The following MTSS1 variants were observed in gnomAD, a reference collection of about 807,000 sequenced individuals.
MTSS1 encodes the protein protein MTSS 1.
In MTSS1, 18 loss-of-function variants were observed where a neutral mutation model predicts 79.0. That is an observed-to-expected ratio of 0.23 (90% CI 0.16 to 0.34). The LOEUF is 0.34. MTSS1 is among the 10% of genes least tolerant of loss of function. The pLI, the probability that MTSS1 is intolerant of heterozygous loss-of-function variation, is 1.00. For synonymous variants in MTSS1, 341 were observed against 368.6 expected, an observed-to-expected ratio of 0.93 and a Z score of 0.86; for missense variants, 815 against 986.2, an observed-to-expected ratio of 0.83 and a Z score of 2.33.
intron 3 of MTSS1, among the ~76,000 whole-genome samples, chr8:124,617,562 G>A (rs9987275): frequency 0.26 from 39,978 of 151,946 alleles, 7,136 homozygotes; most frequent in African/African-American, 0.51. Flanking sequence ...TTTTTTATAC[G>A]GCAGCAACCC....
At chr8:124,559,609 G>A (rs1230209254) in intron 10 of MTSS1, among the ~76,000 whole-genome samples, 3 of 152,158 alleles carry the variant, frequency 2.0e-5, no homozygotes, top group South Asian at 2.1e-4. Context: ...AGTCAGCCAC[G>A]GCATGCGCTC....
At chr8:124,565,637 A>G (rs899542841) in intron 9 of MTSS1, 25 bp downstream of exon 9, 2 of 1,593,338 alleles carry the variant, frequency 1.3e-6, no homozygotes, top group Non-Finnish European at 1.7e-6. Context: ...TCCTGAAAGC[A>G]AGAGTGGACC....
At chr8:124,672,816 A>C (rs761729309) in intron 3 of MTSS1, among the ~76,000 whole-genome samples, 4 of 151,886 alleles carry the variant, frequency 2.6e-5, no homozygotes, top group African/African-American at 4.8e-5. Flanking sequence ...TCCTAAAATA[A>C]ATACACACAT....
chr8:124,697,337 A>G (rs1829001511), intron 3 of MTSS1, among the ~76,000 whole-genome samples: 1 of 152,166 alleles, frequency 6.6e-6, no homozygotes, highest in Admixed American at 6.5e-5. Flanking sequence ...AGGCGGGCAG[A>G]TCACCTGAGG....
chr8:124,566,233 C>T (rs905904374), intron 8 of MTSS1: 2 of 154,644 alleles, frequency 1.3e-5, no homozygotes, highest in African/African-American at 4.8e-5. Context: ...GAATCAAGAA[C>T]AAGCCAATTC....
At chr8:124,676,635 C>A (rs1165600740) in intron 3 of MTSS1, among the ~76,000 whole-genome samples, 1 of 152,228 alleles carries the variant, frequency 6.6e-6, no homozygotes, top group Non-Finnish European at 1.5e-5. Context: ...AAGACAACTT[C>A]TCAGCAAAAC....
intron 3 of MTSS1, among the ~76,000 whole-genome samples, chr8:124,676,144 G>A (rs941829107): frequency 2.6e-5 from 4 of 152,150 alleles, no homozygotes; most frequent in East Asian, 1.9e-4. Flanking sequence ...CACATGAAGC[G>A]TTTGTGAAGG....
chr8:124,563,184 G>A, intron 9 of MTSS1, 192 bp from the exon 10 acceptor site: 2 of 595,362 alleles, frequency 3.4e-6, no homozygotes, highest in African/African-American at 1.9e-5. Context: ...AATCATGAAG[G>A]TAGTCAACAA....
At chr8:124,634,426 G>T (rs1308141275) in intron 3 of MTSS1, among the ~76,000 whole-genome samples, 4 of 152,020 alleles carry the variant, frequency 2.6e-5, no homozygotes, top group Non-Finnish European at 5.9e-5. Context: ...GGGATTATGG[G>T]CGTGAGCTGC....
chr8:124,569,636 A>G lies in MTSS1; in HGVS notation c.461-1100T>C, dbSNP rs186301942. 2.6e-5 allele frequency among the ~76,000 whole-genome samples: 4 copies of G among 152,298 alleles called. No homozygotes were observed. The East Asian group carries it at 7.7e-4, about 29-fold the overall frequency. ...CACTCAAACCAGAGAGATACTTCCTAAACTTCTTCAGGGCAGGATTTTGGT... is the reference window on the plus strand; with the variant it reads ...CACTCAAACCAGAGAGATACTTCCTGAACTTCTTCAGGGCAGGATTTTGGT... On this transcript the variant is annotated intron_variant, in intron 6 of 13. Transcript: ENST00000518547.
intron 3 of MTSS1, among the ~76,000 whole-genome samples, chr8:124,677,511 C>G (rs1039574714): frequency 6.6e-6 from 1 of 152,192 alleles, no homozygotes; most frequent in Non-Finnish European, 1.5e-5. Context: ...AAATTCATAC[C>G]ATTTTTGCAT....
At position 124,556,272 on chromosome 8, in the gene MTSS1, G is replaced by A; in HGVS notation, c.1364C>T (p.Ala455Val). Reference protein sequence around the residue: ...ASGPPAAAEEAQRPRSMTVSA... With the variant: ...ASGPPAAAEEVQRPRSMTVSA... ...TACAGTCATGCTCCGTGGTCTCTGA[G>A]CCTCCTCAGCTGCTGCAGGTGGGCC... Residue 455 changes from alanine (A) to valine (V), a missense_variant, in exon 12 of 14, where the codon GCT (alanine) becomes GTT (valine). This residue lies in a region of MTSS1 where 590 missense variants were observed against 620.8 expected (regional missense o/e 0.95). Coordinates refer to ENST00000518547, the MANE Select transcript of MTSS1 (RefSeq NM_014751.6). 6 of 1,614,224 alleles carry A rather than the reference G, an allele frequency of 3.7e-6. No individual in the cohort carries two copies. The highest frequency in any genetic ancestry group is 5.1e-6 in the Non-Finnish European group (6 of 1,180,044).
intron 3 of MTSS1, among the ~76,000 whole-genome samples, chr8:124,622,046 G>A (rs574620163): frequency 4.9e-5 from 7 of 141,524 alleles, no homozygotes; most frequent in Non-Finnish European, 1.1e-4. Context: ...GAAAGTGTGA[G>A]AGACAGAAAG....
intron 2 of MTSS1, among the ~76,000 whole-genome samples, chr8:124,701,974 A>G (rs990866127): frequency 6.6e-6 from 1 of 152,244 alleles, no homozygotes; most frequent in African/African-American, 2.4e-5. Context: ...TAATAAAGAA[A>G]TGGTCCCTGC....
intron 10 of MTSS1, among the ~76,000 whole-genome samples, chr8:124,558,432 G>A (rs1016537384): frequency 6.6e-6 from 1 of 152,104 alleles, no homozygotes; most frequent in Non-Finnish European, 1.5e-5. Flanking sequence ...GGAGGAGGAT[G>A]GACAGGCACG....
At chr8:124,558,778 C>A (rs559973464) in intron 10 of MTSS1, 1 of 1,583,272 alleles carries the variant, frequency 6.3e-7, no homozygotes, top group East Asian at 2.3e-5. Flanking sequence ...GAGCTGCACT[C>A]GCTCACTGAC....
intron 3 of MTSS1, among the ~76,000 whole-genome samples, chr8:124,629,505 C>CAAAAAAAAAAAAAAAAAAAA (rs982816199): frequency 6.4e-5 from 4 of 62,214 alleles, no homozygotes; most frequent in African/African-American, 1.0e-4. Context: ...GACTCCGTCT[C>CAAAAAAAAAAAAAAAAAAAA]AAAAAAAAAA....
At chr8:124,606,883 AT>A (rs1453289066) in intron 3 of MTSS1, among the ~76,000 whole-genome samples, 5 of 152,208 alleles carry the variant, frequency 3.3e-5, no homozygotes, top group African/African-American at 1.2e-4. Flanking sequence ...CTGCTTATTC[AT>A]GCAGAGGACC....
chr8:124,664,972 AT>A (rs922311421), intron 3 of MTSS1, among the ~76,000 whole-genome samples: 51 of 150,850 alleles, frequency 3.4e-4, no homozygotes, highest in Admixed American at 1.1e-3. Context: ...AGTTGGCAGG[AT>A]TTTTTTTTTC....
Sources: gnomAD v4.1 joint callset for allele counts (sites outside exome capture counted in the v4.1 genomes callset) on GRCh38, gnomAD v4.1.1 for gene constraint, gnomAD v4.1.1 regional missense constraint, MANE v1.5 for transcripts, NCBI Gene and HGNC (gene_info 2026-07-23, HGNC 2026-07-21) for gene names.